The following CDH18 variants were observed in gnomAD, a reference collection of about 807,000 sequenced individuals.
CDH18 encodes the protein cadherin 18.
CDH18 carries 31 observed loss-of-function variants against 67.9 expected under a neutral mutation model. The observed-to-expected ratio is 0.46, with a 90% CI of 0.34 to 0.62. The LOEUF (loss-of-function observed/expected upper bound fraction) is 0.62. Among genes scored for constraint, CDH18 ranks in the 20% least tolerant of loss-of-function variants. The pLI, the probability that CDH18 is intolerant of heterozygous loss-of-function variation, is 0.01. For missense variants in CDH18, 890 were observed against 975.5 expected, an observed-to-expected ratio of 0.91 and a Z score of 1.17; for synonymous variants, 362 against 347.2, an observed-to-expected ratio of 1.04 and a Z score of -0.48.
chr5:20,375,341 T>A (rs535721376), intron 1 of CDH18, among the ~76,000 whole-genome samples: 1 of 152,214 alleles, frequency 6.6e-6, no homozygotes, highest in African/African-American at 2.4e-5. Context: ...GATCATATGA[T>A]GTTTGGAAAG....
intron 2 of CDH18, among the ~76,000 whole-genome samples, chr5:20,086,111 A>T (rs973486195): frequency 6.6e-5 from 10 of 152,224 alleles, no homozygotes; most frequent in Admixed American, 5.9e-4. Context: ...ATAAATGATA[A>T]GAAAGTGAAC....
At chr5:20,063,151 T>G (rs1337547548) in intron 2 of CDH18, among the ~76,000 whole-genome samples, 1 of 151,552 alleles carries the variant, frequency 6.6e-6, no homozygotes, top group African/African-American at 2.4e-5. Flanking sequence ...TTCTTGTGAT[T>G]TTTTTATTTA....
intron 2 of CDH18, among the ~76,000 whole-genome samples, chr5:19,960,806 T>TAC (rs535629693): frequency 2.7e-5 from 4 of 148,854 alleles, no homozygotes; most frequent in African/African-American, 4.9e-5. Context: ...TATGTATATA[T>TAC]ACACACACAC....
chr5:20,153,593 A>G (rs1299791376), intron 2 of CDH18, among the ~76,000 whole-genome samples: 1 of 152,176 alleles, frequency 6.6e-6, no homozygotes, highest in African/African-American at 2.4e-5. Context: ...CTTAAAAAAT[A>G]TAAATTTATT....
intron 1 of CDH18, among the ~76,000 whole-genome samples, chr5:20,288,781 A>C (rs922079347): frequency 1.3e-5 from 2 of 151,900 alleles, no homozygotes; most frequent in African/African-American, 2.4e-5. Context: ...CAGACGGCAT[A>C]TCCCTTTACA....
intron 1 of CDH18, among the ~76,000 whole-genome samples, chr5:20,379,093 T>A (rs563465828): frequency 6.6e-6 from 1 of 152,258 alleles, no homozygotes; most frequent in South Asian, 2.1e-4. Context: ...TATTTTAATT[T>A]TGAATATACA....
chr5:20,227,184 T>C (rs1400766641), intron 2 of CDH18, among the ~76,000 whole-genome samples: 1 of 152,096 alleles, frequency 6.6e-6, no homozygotes, highest in East Asian at 1.9e-4. Context: ...TACATTTTAT[T>C]TGCATAGCTC....
intron 1 of CDH18, among the ~76,000 whole-genome samples, chr5:20,415,250 G>C (rs1354868898): frequency 6.6e-6 from 1 of 152,086 alleles, no homozygotes; most frequent in Non-Finnish European, 1.5e-5. Flanking sequence ...AGCCATGCAT[G>C]GTGGTGTGTG....
chr5:19,597,606 G>GA (rs572260653), intron 6 of CDH18, among the ~76,000 whole-genome samples: 65 of 149,128 alleles, frequency 4.4e-4, no homozygotes, highest in South Asian at 6.4e-4. Context: ...ATTTCTAACA[G>GA]AAAAAAAAAC....
chr5:19,878,903 T>C (rs1003765813), intron 2 of CDH18, among the ~76,000 whole-genome samples: 4 of 152,006 alleles, frequency 2.6e-5, no homozygotes, highest in Non-Finnish European at 5.9e-5. Context: ...TTTTCGAATG[T>C]TGCAAACTTT....
At chr5:19,579,405 TA>T (rs1028693395) in intron 7 of CDH18, among the ~76,000 whole-genome samples, 4 of 151,852 alleles carry the variant, frequency 2.6e-5, no homozygotes, top group African/African-American at 7.2e-5. Flanking sequence ...ATTATGATCT[TA>T]TTTTTTTTTG....
At chr5:20,142,519 G>T (rs1662851250) in intron 2 of CDH18, among the ~76,000 whole-genome samples, 1 of 151,776 alleles carries the variant, frequency 6.6e-6, no homozygotes. Context: ...GGCAGAGGTT[G>T]CAGTGAGCTG....
intron 8 of CDH18, among the ~76,000 whole-genome samples, chr5:19,566,414 C>T (rs1438212887): frequency 6.6e-6 from 1 of 152,142 alleles, no homozygotes; most frequent in East Asian, 1.9e-4. Flanking sequence ...TTTTATGCTG[C>T]TGATAAAGAC....
At chr5:19,745,994 C>A (rs1160385696) in intron 4 of CDH18, among the ~76,000 whole-genome samples, 1 of 151,780 alleles carries the variant, frequency 6.6e-6, no homozygotes, top group Non-Finnish European at 1.5e-5. Flanking sequence ...ACTATAAGAA[C>A]CTCAATCTAA....
intron 2 of CDH18, among the ~76,000 whole-genome samples, chr5:19,912,116 G>A (rs923406900): frequency 6.6e-6 from 1 of 151,968 alleles, no homozygotes; most frequent in Non-Finnish European, 1.5e-5. Context: ...GTGTGAAAGT[G>A]CTCAGGAAGA....
intron 2 of CDH18, among the ~76,000 whole-genome samples, chr5:19,882,015 G>C (rs1485724747): frequency 1.3e-5 from 2 of 152,018 alleles, no homozygotes; most frequent in East Asian, 1.9e-4. Context: ...TCTCGACTTA[G>C]ATGATGTCAC....
intron 11 of CDH18, among the ~76,000 whole-genome samples, chr5:19,485,386 G>C (rs866804217): frequency 7.9e-5 from 12 of 151,920 alleles, no homozygotes; most frequent in African/African-American, 2.4e-4. Flanking sequence ...CTCCAGAGTA[G>C]CTGGGACTAC....
At chr5:19,856,167 C>T (rs1207333638) in intron 2 of CDH18, among the ~76,000 whole-genome samples, 1 of 152,218 alleles carries the variant, frequency 6.6e-6, no homozygotes, top group African/African-American at 2.4e-5. Context: ...TTTTGGCAAG[C>T]AGCATCAGCT....
At chr5:19,847,284 TG>T (rs1034726125) in intron 2 of CDH18, among the ~76,000 whole-genome samples, 1 of 152,078 alleles carries the variant, frequency 6.6e-6, no homozygotes, top group African/African-American at 2.4e-5. Context: ...TACTTGATGT[TG>T]TTCCATATTT....
Sources: allele counts gnomAD v4.1 joint callset (sites outside exome capture counted in the v4.1 genomes callset), GRCh38; gene constraint gnomAD v4.1.1; transcripts MANE v1.5; gene names NCBI Gene and HGNC (gene_info 2026-07-23, HGNC 2026-07-21).